NELL2: variants seen among roughly 807,000 people sequenced by gnomAD.
The protein encoded by NELL2 is neural EGFL like 2.
NELL2 carries 41 observed loss-of-function variants against 109.6 expected under a neutral mutation model. The ratio of observed to expected loss-of-function variants is 0.37; its 90% CI spans 0.29 to 0.49. NELL2 has a LOEUF of 0.49. NELL2 is among the 20% of genes least tolerant of loss of function. NELL2 has a pLI of 0.98. For synonymous variants in NELL2, 355 were observed against 344.7 expected (o/e 1.03, Z -0.33); for missense variants, 900 against 1,008.3 (o/e 0.89, Z 1.45).
intron 12 of NELL2, 86 bp downstream of exon 12, chr12:44,703,640 T>C (rs1937681090): frequency 6.9e-7 from 1 of 1,441,330 alleles, no homozygotes. Flanking sequence ...GCCCATCAAC[T>C]TGACAACCTG....
intron 2 of NELL2, among the ~76,000 whole-genome samples, chr12:44,845,925 C>T (rs908902831): frequency 6.6e-6 from 1 of 152,158 alleles, no homozygotes; most frequent in African/African-American, 2.4e-5. Context: ...CTATTCATGT[C>T]AAAGGTTTAA....
intron 1 of NELL2, among the ~76,000 whole-genome samples, chr12:44,919,630 CAG>C (rs1247780732): frequency 3.3e-5 from 5 of 152,094 alleles, no homozygotes; most frequent in African/African-American, 1.2e-4. Flanking sequence ...AGGTAGTAAT[CAG>C]AGTGACGGGT....
intron 3 of NELL2, among the ~76,000 whole-genome samples, chr12:44,792,882 T>A (rs1942485946): frequency 6.6e-6 from 1 of 152,178 alleles, no homozygotes. Flanking sequence ...TAAAAATCTG[T>A]CCTACTCAAA....
intron 15 of NELL2, among the ~76,000 whole-genome samples, chr12:44,587,870 G>A (rs1036108473): frequency 4.4e-4 from 67 of 152,056 alleles, no homozygotes; most frequent in Admixed American, 3.8e-3. Flanking sequence ...AGTTGGTTTC[G>A]GTTGGGCGCA....
chr12:44,784,113 C>T (rs985976954), intron 3 of NELL2, among the ~76,000 whole-genome samples: 8 of 151,944 alleles, frequency 5.3e-5, no homozygotes, highest in Non-Finnish European at 1.5e-5. Flanking sequence ...AAATTCAGCA[C>T]CAATTAAAGA....
At position 44,876,282 on chromosome 12, in the gene NELL2, C is replaced by G; in HGVS notation, c.-413G>C. ...CGGCCCCGCACCCCCCCGTCTTCCC[C>G]GCCGCCCGAACCTGTTGTAAAGGCA... On this transcript the variant is annotated 5_prime_UTR_variant, in exon 1 of 20. Transcript: ENST00000429094. The G allele has an allele frequency of 4.3e-6, 5 of 1,155,208 alleles. No individual in the cohort carries two copies. The highest frequency in any genetic ancestry group is 5.3e-6 in the Non-Finnish European group (5 of 936,754). 71.6% of individuals were successfully genotyped at this position (1,155,208 alleles called of 1,614,324 possible). A position where few individuals can be genotyped will look rare whatever the true frequency, so the allele number is the denominator to read the frequency against.
At chr12:44,779,789 G>A (rs770696908) in intron 4 of NELL2, 30 bp from the exon 5 acceptor site, 15 of 1,612,930 alleles carry the variant, frequency 9.3e-6, no homozygotes, top group Middle Eastern at 1.7e-4. Flanking sequence ...AAGAAGGAAC[G>A]TGAGTAGACA....
At chr12:44,551,565 C>T (rs567015431) in intron 15 of NELL2, among the ~76,000 whole-genome samples, 13 of 152,156 alleles carry the variant, frequency 8.5e-5, no homozygotes, top group Non-Finnish European at 1.6e-4. Context: ...CAATGGCCTT[C>T]TCCTCTCCCA....
At chr12:44,675,331 A>G (rs189555746) in intron 12 of NELL2, among the ~76,000 whole-genome samples, 2 of 152,258 alleles carry the variant, frequency 1.3e-5, no homozygotes, top group Admixed American at 6.5e-5. Context: ...AAACTTTGCA[A>G]TTCCAACAAA....
In NELL2 at chr12:44,769,323, T is replaced by C. The variant is rs182366462; in HGVS notation, c.994+5424A>G. On this transcript the variant is annotated intron_variant, in intron 9 of 19. Coordinates refer to ENST00000429094, the MANE Select transcript of NELL2 (RefSeq NM_001145108.2). ...CTTACTTTTTATTATTTAATATTAA[T>C]GAAAGCAGCCCATAAATATACAAAA... Among the ~76,000 whole-genome samples the C allele has an allele frequency of 5.7e-3, 871 of 152,254 alleles. 21 individuals carry two copies. Among genetic ancestry groups the C allele is most frequent in the Admixed American group, 0.05 (759 of 15,288 alleles).
intron 2 of NELL2, among the ~76,000 whole-genome samples, chr12:44,848,383 C>T (rs1348075335): frequency 6.6e-6 from 1 of 152,146 alleles, no homozygotes; most frequent in East Asian, 1.9e-4. Context: ...CCAGGAGATG[C>T]CACTGGGCTC....
At chr12:44,820,908 C>A (rs1398745555) in intron 2 of NELL2, among the ~76,000 whole-genome samples, 1 of 147,844 alleles carries the variant, frequency 6.8e-6, no homozygotes, top group East Asian at 2.2e-4. Context: ...TTAGAAGTCA[C>A]CAGACTGTGT....
Position 44,579,190 on chromosome 12 carries a change from A to G in NELL2, c.1663+27979T>C, listed in dbSNP as rs535316626. On this transcript the variant is annotated intron_variant, in intron 15 of 19. Coordinates refer to ENST00000429094, the MANE Select transcript of NELL2 (RefSeq NM_001145108.2). ...ATTTTGATTTGTTTATTAGGAGAGC[A>G]TGCATCACTTTAGATTCAAACACAT... Among the ~76,000 whole-genome samples the G allele has an allele frequency of 2.0e-5, 3 of 152,316 alleles. No individual in the cohort carries two copies. The East Asian group carries it at 5.8e-4, about 29-fold the overall frequency.
chr12:44,823,532 C>G (rs1438226833), intron 2 of NELL2, among the ~76,000 whole-genome samples: 1 of 152,122 alleles, frequency 6.6e-6, no homozygotes, highest in Non-Finnish European at 1.5e-5. Context: ...GCAGTTTGTC[C>G]TCCAGTTTAT....
chr12:44,670,535 T>C (rs1300061808), intron 12 of NELL2, among the ~76,000 whole-genome samples: 7 of 147,068 alleles, frequency 4.8e-5, no homozygotes, highest in Admixed American at 2.0e-4. Flanking sequence ...GCTGAATGTA[T>C]TAAAAAACAA....
intron 15 of NELL2, among the ~76,000 whole-genome samples, chr12:44,601,838 T>A (rs569959690): frequency 6.6e-6 from 1 of 152,198 alleles, no homozygotes; most frequent in East Asian, 1.9e-4. Flanking sequence ...AAAAAGGAAA[T>A]AACATGAAAA....
chr12:44,880,136 CACACAGAG>C (rs1237642592), upstream of NELL2, among the ~76,000 whole-genome samples: 1 of 140,866 alleles, frequency 7.1e-6, no homozygotes, highest in Admixed American at 7.1e-5. Context: ...CACACACACA[CACACAGAG>C]AGAGAGAGAG....
intron 2 of NELL2, among the ~76,000 whole-genome samples, chr12:44,855,464 G>A (rs972215551): frequency 1.3e-5 from 2 of 152,108 alleles, no homozygotes; most frequent in African/African-American, 2.4e-5. Context: ...TAGAGAAATT[G>A]TCACACTGCC....
intron 9 of NELL2, among the ~76,000 whole-genome samples, chr12:44,770,059 T>C (rs1157351432): frequency 1.3e-5 from 2 of 152,156 alleles, no homozygotes; most frequent in Non-Finnish European, 2.9e-5. Flanking sequence ...TTGATCTTAG[T>C]AATGTCACAA....
Sources: allele counts gnomAD v4.1 joint callset (sites outside exome capture counted in the v4.1 genomes callset), GRCh38; gene constraint gnomAD v4.1.1; transcripts MANE v1.5; gene names NCBI Gene and HGNC (gene_info 2026-07-23, HGNC 2026-07-21).